Variants in MAP7D3 observed in about 807,000 individuals in gnomAD.
MAP7D3 encodes the protein MAP7 domain-containing protein 3.
A neutral mutation model predicts 62.2 loss-of-function variants in MAP7D3; 45 were observed. The ratio of observed to expected loss-of-function variants is 0.72; its 90% CI spans 0.57 to 0.93. The LOEUF is 0.93. Ranked by LOEUF, MAP7D3 falls within the 40% of genes least tolerant of loss-of-function variation. The pLI, the probability that MAP7D3 is intolerant of heterozygous loss-of-function variation, is 0.00. For synonymous variants in MAP7D3, 288 were observed against 248.8 expected, an observed-to-expected ratio of 1.16 and a Z score of -1.48; for missense variants, 711 against 683.1, an observed-to-expected ratio of 1.04 and a Z score of -0.45.
chrX:136,222,236 A>C (rs998846501), intron 15 of MAP7D3, among the ~76,000 whole-genome samples, 157 bp downstream of exon 15: 3 of 112,454 alleles, frequency 2.7e-5, no homozygotes, highest in African/African-American at 9.7e-5. Context: ...CTGAAATCTC[A>C]TATCCACTCT....
At chrX:136,251,031 G>C (rs1246733926) in intron 1 of MAP7D3, among the ~76,000 whole-genome samples, 1 of 112,389 alleles carries the variant, frequency 8.9e-6, no homozygotes, top group Non-Finnish European at 1.9e-5. Context: ...GGCTCAGACC[G>C]TTGGCAGCGG....
upstream of MAP7D3, among the ~76,000 whole-genome samples, chrX:136,252,263 G>A (rs533390606): frequency 3.9e-4 from 43 of 111,296 alleles, 1 homozygote; most frequent in South Asian, 0.012. Flanking sequence ...GCACTTTGGC[G>A]AGACCACTGA....
intron 7 of MAP7D3, among the ~76,000 whole-genome samples, chrX:136,233,959 T>C (rs1262412761): frequency 9.0e-6 from 1 of 111,134 alleles, no homozygotes; most frequent in Non-Finnish European, 1.9e-5. Flanking sequence ...ATGGTGGTAA[T>C]AGAAATATCT....
rs373788769 is a variant in MAP7D3 at position 136,244,604 on chromosome X, C to G, written c.417+28G>C. On this transcript the variant is annotated intron_variant, in intron 4 of 18. Coordinates refer to ENST00000316077, the MANE Select transcript of MAP7D3 (RefSeq NM_024597.4). The stretch of plus-strand genomic sequence containing the variant: ...AGACTCAGGCAACACAGTTTATCCT[C>G]TCATGCACAGGCTGCAAAATTATGT... 3 of 1,190,901 alleles carry G rather than the reference C, an allele frequency of 2.5e-6. No homozygotes were observed. The African/African-American group carries it at 5.3e-5, about 21-fold the overall frequency.
intron 1 of MAP7D3, among the ~76,000 whole-genome samples, chrX:136,248,791 A>AT (rs1030212180): frequency 2.7e-5 from 3 of 111,926 alleles, no homozygotes; most frequent in Non-Finnish European, 5.6e-5. Flanking sequence ...ATTTTCCCCA[A>AT]TTTTTTTTAT....
intron 8 of MAP7D3, 109 bp downstream of exon 8, chrX:136,231,435 A>G: frequency 1.6e-6 from 1 of 619,690 alleles, no homozygotes; most frequent in Non-Finnish European, 2.5e-6. Flanking sequence ...ATTGCAGAAT[A>G]TTGTAAATAA....
chrX:136,256,032 T>C (rs2074549800), upstream of MAP7D3: 1 of 745,747 alleles, frequency 1.3e-6, no homozygotes, highest in Non-Finnish European at 1.6e-6. Context: ...TCCTGTACTA[T>C]GAGTTTTAAG....
At chrX:136,252,223 C>T (rs188037757), upstream of MAP7D3, among the ~76,000 whole-genome samples, 56 of 110,946 alleles carry the variant, frequency 5.0e-4, no homozygotes, top group African/African-American at 1.8e-3. Context: ...CAGGAGATCC[C>T]AAAATGGGGC....
chrX:136,236,187 G>T, intron 7 of MAP7D3, 57 bp downstream of exon 7: 1 of 725,389 alleles, frequency 1.4e-6, no homozygotes, highest in Non-Finnish European at 2.1e-6. Flanking sequence ...ATTCAATGTT[G>T]ACATAAAATA....
chrX:136,216,785 T>C (rs952394760), downstream of MAP7D3: 4 of 111,793 alleles, frequency 3.6e-5, no homozygotes, highest in African/African-American at 1.3e-4. Flanking sequence ...CAGTACACTT[T>C]TTTTAGTATT....
At position 136,251,300 on chromosome X, in the gene MAP7D3, C is replaced by T; in HGVS notation, c.59G>A (p.Arg20Gln). 1.8e-6 allele frequency: 2 copies of T among 1,132,426 alleles called. No homozygotes were observed. Among genetic ancestry groups the T allele is most frequent in the South Asian group, 3.9e-5 (2 of 50,848 alleles). The allele number at this position is 1,132,426 out of a possible 1,213,427, so 93.3% of individuals were successfully genotyped here. ...AGGSPSLREL[R>Q]ARMVAAANEI... ...ACCCGCCCGCTCACCCATCCGTGCC[C>T]GCAGCTCTCTCAAGGATGGGCTGCC... Residue 20 changes from arginine to glutamine, a missense_variant, in exon 1 of 19, where the codon CGG becomes CAG. Arg to Gln is a conservative substitution (Grantham distance 43). Coordinates refer to ENST00000316077, the MANE Select transcript of MAP7D3 (RefSeq NM_024597.4).
chrX:136,249,441 C>T (rs1280738718), intron 1 of MAP7D3, among the ~76,000 whole-genome samples: 3 of 112,452 alleles, frequency 2.7e-5, no homozygotes, highest in Admixed American at 1.9e-4. Flanking sequence ...AACAATTCTG[C>T]ATAAAAATAT....
At chrX:136,227,893 G>A (rs1023241386) in intron 11 of MAP7D3, among the ~76,000 whole-genome samples, 1 of 111,632 alleles carries the variant, frequency 9.0e-6, no homozygotes, top group South Asian at 3.8e-4. Context: ...TCAAGTTAGA[G>A]GTTTTTTTTG....
At chrX:136,225,417 GT>G (rs1412066643) in intron 13 of MAP7D3, among the ~76,000 whole-genome samples, 1 of 111,374 alleles carries the variant, frequency 9.0e-6, no homozygotes, top group Non-Finnish European at 1.9e-5. Flanking sequence ...CCCCCTCAAG[GT>G]GACCAATCTA....
chrX:136,242,338 T>C (rs1188905221), intron 4 of MAP7D3, among the ~76,000 whole-genome samples: 5 of 111,931 alleles, frequency 4.5e-5, no homozygotes, highest in African/African-American at 1.6e-4. Context: ...CATTACCTAC[T>C]GTGCTCTCTT....
intron 7 of MAP7D3, among the ~76,000 whole-genome samples, chrX:136,232,736 G>A (rs2074286185): frequency 1.8e-5 from 2 of 111,899 alleles, no homozygotes. Context: ...AGAGTGGGTT[G>A]GATCTCCAAG....
At chrX:136,256,198 G>A (rs1321820441), upstream of MAP7D3, 16 of 1,132,114 alleles carry the variant, frequency 1.4e-5, no homozygotes, top group South Asian at 1.1e-4. Flanking sequence ...TGTGATGCCC[G>A]GGAAGAGTGA....
rs768260036 is a variant in MAP7D3 at position 136,249,872 on chromosome X, T to TG, written c.70+1416dup. On this transcript the variant is annotated intron_variant, in intron 1 of 18. Coordinates refer to ENST00000316077, the MANE Select transcript of MAP7D3 (RefSeq NM_024597.4). The stretch of plus-strand genomic sequence containing the variant: ...AGGGTCCTAGGTTAAGACTTTTACA[T>TG]GGCTCTTAAGTTTTTGGTTTGAAAT... Among the ~76,000 whole-genome samples the TG allele has an allele frequency of 7.1e-5, 8 of 112,717 alleles. No homozygotes were observed. In the South Asian group the frequency reaches 2.9e-3, roughly 41 times the overall value.
At chrX:136,251,502 C>T, upstream of MAP7D3, 3 of 843,397 alleles carry the variant, frequency 3.6e-6, no homozygotes, top group Non-Finnish European at 4.3e-6. Flanking sequence ...CCACCGCGCC[C>T]GCCTCGGACC....
Sources: allele counts gnomAD v4.1 joint callset (sites outside exome capture counted in the v4.1 genomes callset), GRCh38; gene constraint gnomAD v4.1.1; transcripts MANE v1.5; gene names NCBI Gene and HGNC (gene_info 2026-07-23, HGNC 2026-07-21).